Variants in ITGB5 observed in about 807,000 individuals in gnomAD.
The protein encoded by ITGB5 is integrin beta-5.
A neutral mutation model predicts 84.8 loss-of-function variants in ITGB5; 38 were observed. The observed-to-expected ratio is 0.45, with a 90% CI of 0.35 to 0.59. The LOEUF is 0.59. Ranked by LOEUF, ITGB5 falls within the 20% of genes least tolerant of loss-of-function variation. The probability of loss-of-function intolerance (pLI) is 0.01; values close to 1 mark genes in which losing one functional copy is unlikely to be tolerated. For synonymous variants in ITGB5, 393 were observed against 414.4 expected, an observed-to-expected ratio of 0.95 and a Z score of 0.63; for missense variants, 905 against 1,034.5, an observed-to-expected ratio of 0.87 and a Z score of 1.72.
intron 4 of ITGB5, among the ~76,000 whole-genome samples, chr3:124,847,518 T>C (rs529457011): frequency 6.6e-6 from 1 of 152,334 alleles, no homozygotes; most frequent in Admixed American, 6.5e-5. Flanking sequence ...CTGTTCCGTC[T>C]AATAGCATGT....
chr3:124,810,068 T>C (rs1313415110), intron 8 of ITGB5, among the ~76,000 whole-genome samples: 2 of 152,220 alleles, frequency 1.3e-5, no homozygotes, highest in Admixed American at 6.5e-5. Context: ...ATACTGCTTG[T>C]AATAGCTAGA....
chr3:124,884,138 T>C lies in ITGB5; in HGVS notation c.70+2793A>G, dbSNP rs1934698113. 1.3e-5 allele frequency among the ~76,000 whole-genome samples: 2 copies of C among 149,898 alleles called. 1 individual carries two copies. The highest frequency in any genetic ancestry group is 4.2e-4 in the South Asian group (2 of 4,758). On this transcript the variant is annotated intron_variant, in intron 1 of 14. Transcript: ENST00000296181. ...GTTTTTTTCTTTCAAATAATGTTCC[T>C]AGTGGCAAGACAGAAACACTCCCTG...
chr3:124,821,927 T>TC (rs145788378), intron 5 of ITGB5, among the ~76,000 whole-genome samples: 14,091 of 152,120 alleles, frequency 0.093, 845 homozygotes, highest in South Asian at 0.18. Flanking sequence ...GATTGTTAAG[T>TC]CCCCCCATTA....
At chr3:124,774,785 ACAG>A (rs572103784) in intron 10 of ITGB5, among the ~76,000 whole-genome samples, 17 of 151,976 alleles carry the variant, frequency 1.1e-4, no homozygotes, top group Non-Finnish European at 2.1e-4. Flanking sequence ...GATGCTGAGA[ACAG>A]CAGCAGCAGC....
At chr3:124,813,773 A>G (rs1025642146) in intron 8 of ITGB5, among the ~76,000 whole-genome samples, 1 of 152,126 alleles carries the variant, frequency 6.6e-6, no homozygotes, top group East Asian at 1.9e-4. Context: ...CTGGGTTTTC[A>G]TGGAGGCATT....
upstream of ITGB5, among the ~76,000 whole-genome samples, chr3:124,891,070 G>A (rs940808042): frequency 2.0e-5 from 3 of 152,164 alleles, no homozygotes; most frequent in Non-Finnish European, 4.4e-5. Flanking sequence ...CCCAAAGGAG[G>A]CTGCTGGTTT....
At chr3:124,899,731 TGTGGTCCCAC>T (rs1372228207) in intron 1 of ITGB5, among the ~76,000 whole-genome samples, 1 of 151,376 alleles carries the variant, frequency 6.6e-6, no homozygotes, top group Non-Finnish European at 1.5e-5. Context: ...GGCATTCACC[TGTGGTCCCAC>T]CACTCAGGAG....
upstream of ITGB5, chr3:124,887,736 C>A (rs549734767): frequency 6.0e-5 from 27 of 449,736 alleles, no homozygotes; most frequent in South Asian, 4.1e-4. Flanking sequence ...TGCTAGACTG[C>A]GAGAGGGAGA....
chr3:124,862,614 G>A (rs541671123), intron 2 of ITGB5: 7 of 152,242 alleles, frequency 4.6e-5, no homozygotes, highest in Non-Finnish European at 8.8e-5. Context: ...AGGCGGACAG[G>A]TCAGTGCCTA....
intron 10 of ITGB5, among the ~76,000 whole-genome samples, chr3:124,783,173 T>G (rs977221759): frequency 2.0e-5 from 3 of 150,500 alleles, no homozygotes; most frequent in Non-Finnish European, 4.4e-5. Context: ...CGCCTGTAAT[T>G]CCAGCTACTC....
chr3:124,889,739 C>T (rs1008463372), upstream of ITGB5, among the ~76,000 whole-genome samples: 7 of 152,242 alleles, frequency 4.6e-5, no homozygotes, highest in East Asian at 3.9e-4. Flanking sequence ...ATGGGGCCAG[C>T]GCGTTGGCTC....
intron 4 of ITGB5, 126 bp from the exon 5 acceptor site, chr3:124,841,677 C>T (rs1446966039): frequency 6.2e-6 from 5 of 810,492 alleles, no homozygotes; most frequent in South Asian, 5.3e-5. Flanking sequence ...TACCACATGC[C>T]CCAGGACAGG....
At chr3:124,887,539 CG>C (rs1934885086), upstream of ITGB5, 1 of 254,562 alleles carries the variant, frequency 3.9e-6, no homozygotes, top group African/African-American at 2.3e-5. Context: ...CCGCCCTGTG[CG>C]GGGACCGGCC....
chr3:124,778,507 G>A (rs2063957029), intron 10 of ITGB5, among the ~76,000 whole-genome samples: 1 of 152,202 alleles, frequency 6.6e-6, no homozygotes, highest in African/African-American at 2.4e-5. Context: ...GACGCTCTGT[G>A]GAGGTCAAGG....
chr3:124,875,051 C>A (rs1260890330), intron 1 of ITGB5, among the ~76,000 whole-genome samples: 1 of 152,164 alleles, frequency 6.6e-6, no homozygotes, highest in African/African-American at 2.4e-5. Context: ...AGGAAACAAT[C>A]AACAGAGCAG....
In ITGB5 at chr3:124,809,170, G is replaced by C; in HGVS notation, c.1129-14C>G. 6.2e-7 allele frequency: 1 copy of C among 1,613,704 alleles called. No homozygotes were observed. The highest frequency in any genetic ancestry group is 2.2e-5 in the East Asian group (1 of 44,868). ...AGACCGGATACTCTGAATGGAGAGA[G>C]AAAATGAAGCCCAACCATTTAATAA... On this transcript the variant is annotated splice_polypyrimidine_tract_variant and intron_variant, in intron 8 of 14. Coordinates refer to ENST00000296181, the MANE Select transcript of ITGB5 (RefSeq NM_002213.5).
intron 10 of ITGB5, among the ~76,000 whole-genome samples, chr3:124,778,697 A>C (rs927947241): frequency 6.6e-6 from 1 of 152,222 alleles, no homozygotes; most frequent in Admixed American, 6.6e-5. Context: ...GATGGGATAC[A>C]TTTGAGCATT....
At chr3:124,858,082 C>G (rs13071338) in intron 3 of ITGB5, among the ~76,000 whole-genome samples, 23,574 of 146,758 alleles carry the variant, frequency 0.16, 1,938 homozygotes, top group South Asian at 0.22. Flanking sequence ...TGCAATGAGC[C>G]AAGACTGTGC....
intron 3 of ITGB5, among the ~76,000 whole-genome samples, chr3:124,851,901 T>C (rs1579295547): frequency 6.6e-6 from 1 of 152,110 alleles, no homozygotes; most frequent in Non-Finnish European, 1.5e-5. Context: ...AAGCTTCCAG[T>C]GTACCAACAA....
Sources: allele counts gnomAD v4.1 joint callset (sites outside exome capture counted in the v4.1 genomes callset), GRCh38; gene constraint gnomAD v4.1.1; transcripts MANE v1.5; gene names NCBI Gene and HGNC (gene_info 2026-07-23, HGNC 2026-07-21).